SLC35F1: variants seen among roughly 807,000 people sequenced by gnomAD.
The protein encoded by SLC35F1 is solute carrier family 35 member F1.
A neutral mutation model predicts 48.7 loss-of-function variants in SLC35F1; 14 were observed. That is an observed-to-expected ratio of 0.29 (90% CI 0.19 to 0.45). The LOEUF (loss-of-function observed/expected upper bound fraction) is 0.45. SLC35F1 is among the 20% of genes least tolerant of loss of function. The probability of loss-of-function intolerance (pLI) is 1.00; values close to 1 mark genes in which losing one functional copy is unlikely to be tolerated. For synonymous variants in SLC35F1, 190 were observed against 202.2 expected (o/e 0.94, Z 0.51); for missense variants, 404 against 500.0 (o/e 0.81, Z 1.83).
chr6:118,097,808 A>G (rs1773198104), intron 1 of SLC35F1, among the ~76,000 whole-genome samples: 1 of 152,188 alleles, frequency 6.6e-6, no homozygotes, highest in East Asian at 1.9e-4. Flanking sequence ...CATTCAAGAC[A>G]ATTACCAGCT....
chr6:118,206,700 G>C (rs1774939454), intron 2 of SLC35F1, among the ~76,000 whole-genome samples: 1 of 152,180 alleles, frequency 6.6e-6, no homozygotes, highest in Admixed American at 6.5e-5. Context: ...GGCCACTTGA[G>C]AGGTGGGACA....
intron 1 of SLC35F1, among the ~76,000 whole-genome samples, chr6:117,964,270 G>T (rs1172902750): frequency 6.6e-6 from 1 of 152,040 alleles, no homozygotes; most frequent in Non-Finnish European, 1.5e-5. Flanking sequence ...TGTTCTCTTT[G>T]CCCAGCCTTC....
chr6:118,154,366 G>A, intron 1 of SLC35F1, 79 bp from the exon 2 acceptor site: 3 of 1,288,756 alleles, frequency 2.3e-6, no homozygotes, highest in Non-Finnish European at 3.2e-6. Context: ...TGCTACCAGT[G>A]CTCAAAAAGT....
At chr6:117,976,950 A>G (rs1193864089) in intron 1 of SLC35F1, among the ~76,000 whole-genome samples, 2 of 152,186 alleles carry the variant, frequency 1.3e-5, no homozygotes, top group African/African-American at 2.4e-5. Flanking sequence ...TATATCAATC[A>G]AGGATCATTT....
At chr6:118,257,350 G>A (rs1009739890) in intron 3 of SLC35F1, among the ~76,000 whole-genome samples, 1 of 152,098 alleles carries the variant, frequency 6.6e-6, no homozygotes, top group African/African-American at 2.4e-5. Context: ...CCTGCTCTAT[G>A]TCCCTTGCTG....
chr6:118,198,366 G>T (rs1347855525), intron 2 of SLC35F1, among the ~76,000 whole-genome samples: 2 of 152,126 alleles, frequency 1.3e-5, no homozygotes, highest in African/African-American at 4.8e-5. Context: ...GACCATAAAA[G>T]TGTTTCAAAC....
At chr6:118,189,678 T>C (rs1329575166) in intron 2 of SLC35F1, among the ~76,000 whole-genome samples, 2 of 152,112 alleles carry the variant, frequency 1.3e-5, no homozygotes, top group African/African-American at 4.8e-5. Flanking sequence ...ATTGAAAAAC[T>C]CCAGCTGAAT....
intron 1 of SLC35F1, among the ~76,000 whole-genome samples, chr6:118,036,152 T>C (rs537157975): frequency 6.6e-6 from 1 of 152,324 alleles, no homozygotes; most frequent in African/African-American, 2.4e-5. Flanking sequence ...GTTTTTTTCT[T>C]ACCTAATACA....
At chr6:118,238,877 G>C (rs1407848726) in intron 3 of SLC35F1, among the ~76,000 whole-genome samples, 1 of 152,100 alleles carries the variant, frequency 6.6e-6, no homozygotes, top group Non-Finnish European at 1.5e-5. Flanking sequence ...TAGAAGTACT[G>C]CTGGCATTTT....
At chr6:117,946,350 C>A (rs1776295031) in intron 1 of SLC35F1, among the ~76,000 whole-genome samples, 2 of 152,142 alleles carry the variant, frequency 1.3e-5, no homozygotes, top group Non-Finnish European at 2.9e-5. Context: ...ATAATTCTCA[C>A]AACAATTCTA....
intron 1 of SLC35F1, among the ~76,000 whole-genome samples, chr6:118,133,141 T>C (rs1391533239): frequency 1.3e-5 from 2 of 152,188 alleles, no homozygotes; most frequent in African/African-American, 2.4e-5. Flanking sequence ...TGCATGACAC[T>C]TGAAAGGATA....
At chr6:118,039,253 C>A (rs1403355191) in intron 1 of SLC35F1, among the ~76,000 whole-genome samples, 1 of 151,954 alleles carries the variant, frequency 6.6e-6, no homozygotes, top group Non-Finnish European at 1.5e-5. Context: ...TGTAACATAT[C>A]ATTTTTCTCT....
intron 1 of SLC35F1, among the ~76,000 whole-genome samples, chr6:118,046,530 C>A (rs1248130662): frequency 6.6e-6 from 1 of 152,150 alleles, no homozygotes; most frequent in Non-Finnish European, 1.5e-5. Context: ...AGATCTAACA[C>A]TTCACAGCTT....
intron 2 of SLC35F1, among the ~76,000 whole-genome samples, chr6:118,173,263 A>G (rs893888179): frequency 1.1e-4 from 16 of 152,134 alleles, no homozygotes; most frequent in African/African-American, 3.9e-4. Context: ...AAAGCTAAGG[A>G]TGAAAAGAAA....
Position 118,235,538 on chromosome 6 carries a change from C to A in SLC35F1, c.379C>A (p.Arg127=). ...GEENLLAILR[R]RWWKYMILGL... is the part of the protein sequence containing the mutation. ...AGAAAACCTCCTGGCAATTTTACGA[C>A]GAAGATGGTGGAAGTACATGATTTT... Residue 127 remains arginine (R), a synonymous_variant, in exon 3 of 8, where the codon CGA becomes AGA. Coordinates refer to ENST00000360388, the MANE Select transcript of SLC35F1 (RefSeq NM_001029858.4). 2 of 1,613,110 alleles carry A rather than the reference C, an allele frequency of 1.2e-6. No individual in the cohort carries two copies. Among genetic ancestry groups the A allele is most frequent in the East Asian group, 2.2e-5 (1 of 44,782 alleles).
chr6:118,306,681 T>C (rs981785926), intron 7 of SLC35F1, among the ~76,000 whole-genome samples: 3 of 152,232 alleles, frequency 2.0e-5, no homozygotes, highest in Non-Finnish European at 4.4e-5. Flanking sequence ...AATTAAACAT[T>C]CCCACAGAGT....
chr6:118,143,566 C>G (rs1354099443), intron 1 of SLC35F1, among the ~76,000 whole-genome samples: 1 of 152,142 alleles, frequency 6.6e-6, no homozygotes, highest in Non-Finnish European at 1.5e-5. Context: ...ACTTTCCAAA[C>G]TGGAGAATAA....
chr6:118,154,030 C>T (rs988017523), intron 1 of SLC35F1, among the ~76,000 whole-genome samples: 1 of 152,124 alleles, frequency 6.6e-6, no homozygotes, highest in Non-Finnish European at 1.5e-5. Context: ...TATGGTCCCT[C>T]CTAGTCAGTG....
chr6:118,160,055 TA>T (rs1774207623), intron 2 of SLC35F1, among the ~76,000 whole-genome samples: 1 of 152,184 alleles, frequency 6.6e-6, no homozygotes, highest in African/African-American at 2.4e-5. Context: ...ATGCTGAGGG[TA>T]AAAAGAAAAC....
Sources: allele counts gnomAD v4.1 joint callset (sites outside exome capture counted in the v4.1 genomes callset), GRCh38; gene constraint gnomAD v4.1.1; transcripts MANE v1.5; gene names NCBI Gene and HGNC (gene_info 2026-07-23, HGNC 2026-07-21).